The following MARCHF1 variants were observed in gnomAD, a reference collection of about 807,000 sequenced individuals.
The protein encoded by MARCHF1 is E3 ubiquitin-protein ligase MARCHF1.
A neutral mutation model predicts 54.2 loss-of-function variants in MARCHF1; 40 were observed. The ratio of observed to expected loss-of-function variants is 0.74; its 90% CI spans 0.57 to 0.96. MARCHF1 has a LOEUF of 0.96. Among genes scored for constraint, MARCHF1 ranks in the 40% least tolerant of loss-of-function variants. The probability of loss-of-function intolerance (pLI) is 0.00; values close to 1 mark genes in which losing one functional copy is unlikely to be tolerated. For missense variants in MARCHF1, 586 were observed against 656.5 expected (o/e 0.89, Z 1.17); for synonymous variants, 236 against 236.3 (o/e 1.00, Z 0.01).
intron 4 of MARCHF1, among the ~76,000 whole-genome samples, chr4:163,776,750 T>C (rs1279222062): frequency 6.6e-6 from 1 of 152,158 alleles, no homozygotes; most frequent in African/African-American, 2.4e-5. Context: ...ATTAAAATTG[T>C]ATAAGCAAGA....
At chr4:163,861,368 A>C (rs1749927953) in intron 3 of MARCHF1, among the ~76,000 whole-genome samples, 1 of 152,170 alleles carries the variant, frequency 6.6e-6, no homozygotes, top group East Asian at 1.9e-4. Context: ...AAGAACAAAG[A>C]GATAATAGAG....
rs553502591 is a variant in MARCHF1, at chr4:164,319,600, T to C, written c.-323+64270A>G. Reference sequence around the variant, plus strand: ...AAAATTATCATTGATAAGGAAAGAATGTGAAAAATGTCAGACCCCTAATAC... The same window carrying C: ...AAAATTATCATTGATAAGGAAAGAACGTGAAAAATGTCAGACCCCTAATAC... On this transcript the variant is annotated intron_variant, in intron 1 of 9. Transcript: ENST00000514618. Among the ~76,000 whole-genome samples the C allele has an allele frequency of 2.0e-5, 3 of 152,290 alleles. No homozygotes were observed. In the East Asian group the frequency reaches 5.8e-4, roughly 29 times the overall value.
chr4:163,771,711 C>A lies in MARCHF1; in HGVS notation c.112-70848G>T, dbSNP rs187036913. Among the ~76,000 whole-genome samples, 522 of 152,292 alleles carry A rather than the reference C, an allele frequency of 3.4e-3. 1 individual carries two copies. The highest frequency in any genetic ancestry group is 0.011 in the African/African-American group (467 of 41,558). On this transcript the variant is annotated intron_variant, in intron 4 of 9. Transcript: ENST00000514618. ...CACACACATTTAGATCATGCAAGAGCTTATTAAAAATACAAGTTTCTGAGC... is the reference window on the plus strand; with the variant it reads ...CACACACATTTAGATCATGCAAGAGATTATTAAAAATACAAGTTTCTGAGC...
chr4:163,802,732 C>G (rs550314188), intron 4 of MARCHF1, among the ~76,000 whole-genome samples: 1 of 152,278 alleles, frequency 6.6e-6, no homozygotes, highest in South Asian at 2.1e-4. Flanking sequence ...GCACATATTG[C>G]TACCAGGGAC....
chr4:164,129,157 A>G (rs1301761819), intron 1 of MARCHF1, among the ~76,000 whole-genome samples: 1 of 152,212 alleles, frequency 6.6e-6, no homozygotes, highest in Non-Finnish European at 1.5e-5. Flanking sequence ...TTAGCAAAAG[A>G]TAAGTTCATC....
intron 1 of MARCHF1, among the ~76,000 whole-genome samples, chr4:164,269,645 T>C (rs899975458): frequency 1.3e-5 from 2 of 152,142 alleles, no homozygotes; most frequent in African/African-American, 2.4e-5. Context: ...ATGTGTCTTA[T>C]TTTCTTGTCT....
chr4:163,610,274 G>A (rs1214946138), intron 7 of MARCHF1, among the ~76,000 whole-genome samples: 1 of 151,888 alleles, frequency 6.6e-6, no homozygotes, highest in Admixed American at 6.6e-5. Flanking sequence ...CAGGTCTTTT[G>A]CTACTTTTTA....
intron 1 of MARCHF1, among the ~76,000 whole-genome samples, chr4:164,122,899 G>A (rs938788103): frequency 1.1e-4 from 16 of 151,974 alleles, no homozygotes; most frequent in African/African-American, 1.9e-4. Context: ...TATCACCACC[G>A]TTATTCATCA....
chr4:164,370,602 C>T (rs571625045), intron 1 of MARCHF1, among the ~76,000 whole-genome samples: 1 of 152,252 alleles, frequency 6.6e-6, no homozygotes, highest in East Asian at 1.9e-4. Context: ...TAGACTATTT[C>T]ATGGAATTTA....
At chr4:163,567,584 G>A (rs1391944739) in intron 8 of MARCHF1, among the ~76,000 whole-genome samples, 1 of 152,136 alleles carries the variant, frequency 6.6e-6, no homozygotes, top group African/African-American at 2.4e-5. Flanking sequence ...CTATTCTCAT[G>A]ATAGTGAATA....
At position 163,633,380 on chromosome 4, in the gene MARCHF1, C is replaced by A. The variant is rs1353310822; in HGVS notation, c.163-19987G>T. ...TTAGAAGAATGTATAACTAGAAAAACCAATACAGAGAAGTGCTTAAAGGAG... is the reference window on the plus strand; with the variant it reads ...TTAGAAGAATGTATAACTAGAAAAAACAATACAGAGAAGTGCTTAAAGGAG... On this transcript the variant is annotated intron_variant, in intron 5 of 9. Coordinates refer to ENST00000514618, the MANE Select transcript of MARCHF1 (RefSeq NM_001394959.1). 2.6e-5 allele frequency among the ~76,000 whole-genome samples: 4 copies of A among 151,994 alleles called. No individual in the cohort carries two copies. In the South Asian group the frequency reaches 6.2e-4, roughly 24 times the overall value.
At chr4:163,721,441 T>G (rs150935580) in intron 4 of MARCHF1, among the ~76,000 whole-genome samples, 1 of 152,152 alleles carries the variant, frequency 6.6e-6, no homozygotes. Flanking sequence ...CAGTATTTTA[T>G]TGAGGATTTT....
At chr4:163,533,859 A>G (rs1738442785) in intron 9 of MARCHF1, among the ~76,000 whole-genome samples, 1 of 151,768 alleles carries the variant, frequency 6.6e-6, no homozygotes. Context: ...CTATTGCACA[A>G]AAACACTCCA....
rs151040156 is a variant in MARCHF1 at position 164,237,757 on chromosome 4, T to A, written c.-322-126095A>T. ...TTGTGTTTGACCTAGAGAGAGGTTTTAAAGTTGACAAACTATGACATGAAA... is the reference window on the plus strand; with the variant it reads ...TTGTGTTTGACCTAGAGAGAGGTTTAAAAGTTGACAAACTATGACATGAAA... On this transcript the variant is annotated intron_variant, in intron 1 of 9. Transcript: ENST00000514618. Among the ~76,000 whole-genome samples the A allele has an allele frequency of 5.0e-3, 761 of 152,162 alleles. 7 individuals carry two copies. The highest frequency in any genetic ancestry group is 0.017 in the African/African-American group (726 of 41,542).
intron 3 of MARCHF1, among the ~76,000 whole-genome samples, chr4:163,935,698 CTTTCTTTTT>C (rs1387670951): frequency 2.5e-3 from 217 of 87,200 alleles, no homozygotes; most frequent in African/African-American, 8.0e-3. Flanking sequence ...GTTTTGCTTG[CTTTCTTTTT>C]TTTTTTTTTT....
At chr4:163,865,177 A>C (rs956842475) in intron 3 of MARCHF1, among the ~76,000 whole-genome samples, 2 of 152,060 alleles carry the variant, frequency 1.3e-5, no homozygotes, top group South Asian at 2.1e-4. Context: ...TCTCAAAGGC[A>C]TGAAACTATG....
intron 1 of MARCHF1, among the ~76,000 whole-genome samples, chr4:164,115,742 T>C (rs1431171130): frequency 6.6e-6 from 1 of 152,080 alleles, no homozygotes; most frequent in Non-Finnish European, 1.5e-5. Flanking sequence ...AATGTTTCAA[T>C]ACCTTAAAAT....
intron 2 of MARCHF1, among the ~76,000 whole-genome samples, chr4:163,989,558 C>T (rs1296085455): frequency 6.6e-6 from 1 of 152,110 alleles, no homozygotes; most frequent in Middle Eastern, 3.2e-3. Context: ...ACAGACTTTA[C>T]TATTACTGTC....
intron 1 of MARCHF1, among the ~76,000 whole-genome samples, chr4:164,356,690 C>T (rs1730552010): frequency 1.6e-5 from 2 of 128,966 alleles, no homozygotes; most frequent in African/African-American, 2.8e-5. Context: ...GTGCAGCGCA[C>T]CAGCATGGCA....
Sources: gnomAD v4.1 joint callset for allele counts (sites outside exome capture counted in the v4.1 genomes callset) on GRCh38, gnomAD v4.1.1 for gene constraint, MANE v1.5 for transcripts, NCBI Gene and HGNC (gene_info 2026-07-23, HGNC 2026-07-21) for gene names.